Variants in PCDH7 observed in about 807,000 individuals in gnomAD.
The protein encoded by PCDH7 is protocadherin-7.
In PCDH7, 17 loss-of-function variants were observed where a neutral mutation model predicts 58.9. That is an observed-to-expected ratio of 0.29 (90% CI 0.20 to 0.43). The LOEUF is 0.43. PCDH7 is among the 20% of genes least tolerant of loss of function. The pLI is 1.00. For synonymous variants in PCDH7, 664 were observed against 616.4 expected, an observed-to-expected ratio of 1.08 and a Z score of -1.14; for missense variants, 1,274 against 1,441.0, an observed-to-expected ratio of 0.88 and a Z score of 1.88.
intron 1 of PCDH7, among the ~76,000 whole-genome samples, chr4:30,830,672 T>C (rs1029673594): frequency 2.6e-5 from 4 of 152,020 alleles, no homozygotes; most frequent in Non-Finnish European, 5.9e-5. Flanking sequence ...ATCTTGGGAT[T>C]TGGGAGGTCA....
intron 3 of PCDH7, among the ~76,000 whole-genome samples, chr4:30,993,601 A>G (rs938304114): frequency 3.3e-5 from 5 of 152,218 alleles, no homozygotes; most frequent in Non-Finnish European, 7.3e-5. Flanking sequence ...ATACGCTGTC[A>G]TTTTAGGTTT....
chr4:30,782,126 A>G (rs1361136012), intron 1 of PCDH7, among the ~76,000 whole-genome samples: 2 of 152,172 alleles, frequency 1.3e-5, no homozygotes, highest in East Asian at 1.9e-4. Context: ...AATAATCATG[A>G]TAGAGTATGA....
intron 1 of PCDH7, among the ~76,000 whole-genome samples, chr4:30,805,491 T>G (rs1402325117): frequency 1.3e-5 from 2 of 152,216 alleles, no homozygotes; most frequent in African/African-American, 4.8e-5. Flanking sequence ...CATATAAAAG[T>G]AGAAATGTTC....
At chr4:31,067,041 GC>G (rs1758147458) in intron 3 of PCDH7, among the ~76,000 whole-genome samples, 1 of 151,910 alleles carries the variant, frequency 6.6e-6, no homozygotes, top group South Asian at 2.1e-4. Context: ...GGAGGCCTGG[GC>G]TTTATTCCTT....
downstream of PCDH7, among the ~76,000 whole-genome samples, chr4:30,734,236 C>CTT (rs201383285): frequency 4.2e-5 from 6 of 144,124 alleles, no homozygotes; most frequent in Non-Finnish European, 6.1e-5. Context: ...AATTTTCTAT[C>CTT]TTTTTTTTTT....
At chr4:31,003,480 C>T (rs1162519427) in intron 3 of PCDH7, among the ~76,000 whole-genome samples, 1 of 151,720 alleles carries the variant, frequency 6.6e-6, no homozygotes, top group Non-Finnish European at 1.5e-5. Flanking sequence ...GAAATGTTTC[C>T]GATTTGGGAT....
intron 3 of PCDH7, among the ~76,000 whole-genome samples, chr4:31,036,485 G>A (rs1028090680): frequency 6.6e-6 from 1 of 152,148 alleles, no homozygotes; most frequent in African/African-American, 2.4e-5. Flanking sequence ...ACTGTGTCCA[G>A]CCTGTAGTTC....
At chr4:30,935,790 C>T (rs1039633441) in intron 2 of PCDH7, among the ~76,000 whole-genome samples, 7 of 152,102 alleles carry the variant, frequency 4.6e-5, no homozygotes, top group East Asian at 3.9e-4. Flanking sequence ...CCCTTATTCA[C>T]GTCTCCATTT....
At chr4:30,724,913 T>G (rs750977692) in intron 1 of PCDH7, 15 of 1,120,236 alleles carry the variant, frequency 1.3e-5, no homozygotes, top group African/African-American at 4.9e-5. Context: ...TAAATATGTG[T>G]GTATTACTTA....
At chr4:30,983,081 T>A (rs1208067049) in intron 3 of PCDH7, among the ~76,000 whole-genome samples, 2 of 152,072 alleles carry the variant, frequency 1.3e-5, no homozygotes, top group African/African-American at 2.4e-5. Context: ...ATCAAGGGAG[T>A]AGGTAGCTGC....
chr4:30,947,877 C>T (rs1746897407), intron 2 of PCDH7, among the ~76,000 whole-genome samples: 1 of 152,094 alleles, frequency 6.6e-6, no homozygotes, highest in Non-Finnish European at 1.5e-5. Flanking sequence ...CCCTTCCCAA[C>T]CTCTAGTATC....
At chr4:30,985,077 C>T (rs1377890360) in intron 3 of PCDH7, among the ~76,000 whole-genome samples, 1 of 152,150 alleles carries the variant, frequency 6.6e-6, no homozygotes, top group African/African-American at 2.4e-5. Context: ...AATGATTCTC[C>T]TGCCCAGTAG....
At chr4:31,101,435 C>T (rs538578897) in intron 3 of PCDH7, among the ~76,000 whole-genome samples, 2 of 151,960 alleles carry the variant, frequency 1.3e-5, no homozygotes, top group Admixed American at 6.6e-5. Context: ...TTTAGTGAGA[C>T]AATTTGGAGG....
downstream of PCDH7, chr4:31,144,900 T>C (rs1339085754): frequency 6.6e-6 from 1 of 152,154 alleles, no homozygotes; most frequent in Non-Finnish European, 1.5e-5. Context: ...TAGTACTTTG[T>C]TAGGAAACTG....
At chr4:31,017,967 C>T (rs1217775309) in intron 3 of PCDH7, among the ~76,000 whole-genome samples, 1 of 152,086 alleles carries the variant, frequency 6.6e-6, no homozygotes, top group African/African-American at 2.4e-5. Context: ...ACCTGAGTAA[C>T]TCAAAGACAA....
At chr4:31,036,133 TG>T (rs1411189824) in intron 3 of PCDH7, among the ~76,000 whole-genome samples, 1 of 152,184 alleles carries the variant, frequency 6.6e-6, no homozygotes, top group African/African-American at 2.4e-5. Context: ...ATCTGTACTT[TG>T]CTAAGTCTCA....
At chr4:30,975,142 A>AGCG (rs1243940236) in intron 3 of PCDH7, among the ~76,000 whole-genome samples, 1 of 74,538 alleles carries the variant, frequency 1.3e-5, no homozygotes, top group South Asian at 5.0e-4. Flanking sequence ...CTTCCCTTTC[A>AGCG]TTGTGTGTGT....
chr4:31,035,921 A>G (rs1755372249), intron 3 of PCDH7, among the ~76,000 whole-genome samples: 1 of 152,202 alleles, frequency 6.6e-6, no homozygotes, highest in African/African-American at 2.4e-5. Context: ...TCCTTGGCTG[A>G]CATCACTAAA....
rs535175165 is a variant in PCDH7, at chr4:31,040,120, G to A, written c.*7+89905G>A. Among the ~76,000 whole-genome samples the A allele has an allele frequency of 3.9e-4, 60 of 152,122 alleles. 2 individuals carry two copies. Among genetic ancestry groups the A allele is most frequent in the Admixed American group, 6.6e-4 (10 of 15,258 alleles). ...GTGCATAATTTACATTCAGTTAAATGCACAGTATGTTTTTCGATGTATACT... is the reference window on the plus strand; with the variant it reads ...GTGCATAATTTACATTCAGTTAAATACACAGTATGTTTTTCGATGTATACT... On this transcript the variant is annotated intron_variant, in intron 3 of 3. Transcript: ENST00000509759.
Sources: gnomAD v4.1 joint callset for allele counts (sites outside exome capture counted in the v4.1 genomes callset) on GRCh38, gnomAD v4.1.1 for gene constraint, MANE v1.5 for transcripts, NCBI Gene and HGNC (gene_info 2026-07-23, HGNC 2026-07-21) for gene names.